ASIC2: variants seen among roughly 807,000 people sequenced by gnomAD.
ASIC2 encodes the protein acid-sensing ion channel 2.
A neutral mutation model predicts 57.3 loss-of-function variants in ASIC2; 25 were observed. The observed-to-expected ratio is 0.44, with a 90% CI of 0.32 to 0.61. ASIC2 has a LOEUF of 0.61. Ranked by LOEUF, ASIC2 falls within the 20% of genes least tolerant of loss-of-function variation. The probability of loss-of-function intolerance (pLI) is 0.06; values close to 1 mark genes in which losing one functional copy is unlikely to be tolerated. For missense variants in ASIC2, 641 were observed against 738.1 expected (o/e 0.87, Z 1.52); for synonymous variants, 319 against 307.5 (o/e 1.04, Z -0.39).
At chr17:34,079,332 T>C (rs1375720797) in intron 1 of ASIC2, among the ~76,000 whole-genome samples, 1 of 152,230 alleles carries the variant, frequency 6.6e-6, no homozygotes, top group African/African-American at 2.4e-5. Context: ...AATCAATGTG[T>C]GGTTTTCCAA....
intron 1 of ASIC2, among the ~76,000 whole-genome samples, chr17:33,339,077 T>C (rs1907631523): frequency 6.6e-6 from 1 of 152,116 alleles, no homozygotes; most frequent in African/African-American, 2.4e-5. Context: ...ATGTCTTGTG[T>C]TTTTTACCAC....
At chr17:33,653,904 G>T (rs1906999143) in intron 1 of ASIC2, among the ~76,000 whole-genome samples, 1 of 152,154 alleles carries the variant, frequency 6.6e-6, no homozygotes, top group Non-Finnish European at 1.5e-5. Context: ...GACAATCTGT[G>T]TACATAATCT....
At position 33,215,356 on chromosome 17, in the gene ASIC2, T is replaced by A. The variant is rs1460893869; in HGVS notation, c.708+76052A>T. On this transcript the variant is annotated intron_variant, in intron 1 of 9. Coordinates refer to ENST00000225823, the MANE Select transcript of ASIC2 (RefSeq NM_183377.2). Reference sequence around the variant, plus strand: ...TATCCTAAAGAGTCTTGAAATTATGTATCCTAGCACTATCCAGGATAAAGA... The same window carrying A: ...TATCCTAAAGAGTCTTGAAATTATGAATCCTAGCACTATCCAGGATAAAGA... Among the ~76,000 whole-genome samples the A allele has an allele frequency of 3.3e-5, 5 of 152,230 alleles. No individual in the cohort carries two copies. The East Asian group carries it at 9.6e-4, about 29-fold the overall frequency.
intron 1 of ASIC2, among the ~76,000 whole-genome samples, chr17:33,997,307 A>ATTTTT (rs71147411): frequency 5.8e-5 from 5 of 85,766 alleles, no homozygotes; most frequent in Admixed American, 1.5e-4. Flanking sequence ...TGCACGGTTA[A>ATTTTT]TTTTTTTTTT....
At chr17:33,922,154 C>T (rs1031068423) in intron 1 of ASIC2, among the ~76,000 whole-genome samples, 3 of 152,124 alleles carry the variant, frequency 2.0e-5, no homozygotes, top group Admixed American at 6.5e-5. Flanking sequence ...TTCTCCAGTT[C>T]CCATTATGAC....
chr17:34,040,400 G>A (rs553892825), intron 1 of ASIC2, among the ~76,000 whole-genome samples: 135 of 100,094 alleles, frequency 1.3e-3, no homozygotes, highest in African/African-American at 0.01. Context: ...TGGGAGGCAG[G>A]GGGGGTCCTG....
chr17:34,054,773 A>G (rs1378019531), intron 1 of ASIC2, among the ~76,000 whole-genome samples: 1 of 152,232 alleles, frequency 6.6e-6, no homozygotes, highest in East Asian at 1.9e-4. Context: ...TCACTGATGC[A>G]TAGAGACTCA....
At chr17:34,059,622 C>T (rs1262315436) in intron 1 of ASIC2, among the ~76,000 whole-genome samples, 1 of 152,178 alleles carries the variant, frequency 6.6e-6, no homozygotes, top group African/African-American at 2.4e-5. Flanking sequence ...TCACCCTCCT[C>T]CTGCAAACAG....
rs145835091 is a variant in ASIC2 at position 33,679,447 on chromosome 17, A to G, written c.555+476531T>C. 7.2e-5 allele frequency among the ~76,000 whole-genome samples: 11 copies of G among 152,284 alleles called. No homozygotes were observed. The East Asian group carries it at 2.1e-3, about 29-fold the overall frequency. The stretch of plus-strand genomic sequence containing the variant: ...GTTTTATTCATTCATTAATCCAAAC[A>G]CTCATTCAGCAGGGATTTCTTGGGG... On this transcript the variant is annotated intron_variant, in intron 1 of 9. Coordinates refer to the ASIC2 transcript ENST00000359872.
At chr17:33,080,411 A>T (rs2092108456) in intron 3 of ASIC2, among the ~76,000 whole-genome samples, 1 of 152,110 alleles carries the variant, frequency 6.6e-6, no homozygotes, top group African/African-American at 2.4e-5. Context: ...GACTGGCAAG[A>T]AAAAGGGAAA....
chr17:34,023,564 C>T (rs1398430687), intron 1 of ASIC2, among the ~76,000 whole-genome samples: 2 of 152,156 alleles, frequency 1.3e-5, no homozygotes, highest in Non-Finnish European at 2.9e-5. Flanking sequence ...AGAGCCCCTC[C>T]CTCATGATGG....
At chr17:33,809,882 T>A (rs1697399291) in intron 1 of ASIC2, among the ~76,000 whole-genome samples, 1 of 152,216 alleles carries the variant, frequency 6.6e-6, no homozygotes, top group Non-Finnish European at 1.5e-5. Flanking sequence ...AACTAGGTCT[T>A]GGAATTCTTT....
At chr17:34,037,856 G>A (rs1442875701) in intron 1 of ASIC2, 27 of 1,613,814 alleles carry the variant, frequency 1.7e-5, no homozygotes, top group Non-Finnish European at 1.7e-5. Context: ...TTTAAGAATC[G>A]TATTCTCTTG....
At chr17:33,810,874 T>TACACACAC (rs34187408) in intron 1 of ASIC2, among the ~76,000 whole-genome samples, 41 of 150,010 alleles carry the variant, frequency 2.7e-4, no homozygotes, top group African/African-American at 9.0e-4. Flanking sequence ...CACACACACA[T>TACACACAC]ACACACACAC....
chr17:33,760,154 TATA>T (rs1405557040), intron 1 of ASIC2, among the ~76,000 whole-genome samples: 2 of 136,038 alleles, frequency 1.5e-5, no homozygotes, highest in African/African-American at 5.1e-5. Context: ...ATCTAAGAAT[TATA>T]ATGACTCAAA....
At chr17:33,322,322 C>T (rs950692085) in intron 1 of ASIC2, among the ~76,000 whole-genome samples, 1 of 152,098 alleles carries the variant, frequency 6.6e-6, no homozygotes, top group African/African-American at 2.4e-5. Flanking sequence ...AAGGAAGATC[C>T]AAATATTGCC....
At chr17:33,100,519 C>G (rs2092207784) in intron 2 of ASIC2, among the ~76,000 whole-genome samples, 1 of 152,234 alleles carries the variant, frequency 6.6e-6, no homozygotes, top group Non-Finnish European at 1.5e-5. Flanking sequence ...CTATCTCCTT[C>G]TAGATTCTCA....
At chr17:34,142,191 G>A (rs1912289126) in intron 1 of ASIC2, among the ~76,000 whole-genome samples, 1 of 152,048 alleles carries the variant, frequency 6.6e-6, no homozygotes, top group African/African-American at 2.4e-5. Context: ...GGAAAAAGTG[G>A]AAACTGAAAT....
intron 1 of ASIC2, among the ~76,000 whole-genome samples, chr17:33,732,197 C>T (rs1051370362): frequency 6.6e-6 from 1 of 152,088 alleles, no homozygotes; most frequent in Non-Finnish European, 1.5e-5. Flanking sequence ...ATTATAAGAT[C>T]AAAAGTGTGG....
Sources: allele counts gnomAD v4.1 joint callset (sites outside exome capture counted in the v4.1 genomes callset), GRCh38; gene constraint gnomAD v4.1.1; transcripts MANE v1.5; gene names NCBI Gene and HGNC (gene_info 2026-07-23, HGNC 2026-07-21).